Variants in B4GALT7 observed in about 807,000 individuals in gnomAD.
The protein encoded by B4GALT7 is UDP-Gal:beta-GlcNAc beta-1,4-galactosyltransferase 7.
B4GALT7 carries 30 observed loss-of-function variants against 33.0 expected under a neutral mutation model. The ratio of observed to expected loss-of-function variants is 0.91; its 90% CI spans 0.68 to 1.23. The LOEUF (loss-of-function observed/expected upper bound fraction) is 1.23. B4GALT7 is among the 50% of genes most tolerant of loss of function. The pLI is 0.00. For missense variants in B4GALT7, 507 were observed against 450.8 expected (o/e 1.12, Z -1.13); for synonymous variants, 213 against 187.2 (o/e 1.14, Z -1.13).
Position 177,607,426 on chromosome 5 carries a change from G to A in B4GALT7, c.538G>A (p.Ala180Thr), listed in dbSNP as rs201942042. Residue 180 changes from alanine to threonine, a missense_variant, in exon 3 of 6, where the codon GCT becomes ACT. Transcript: ENST00000029410. ...GGAGCTGGACTATGGCTTTCCTGAG[G>A]CTGGGCCCTTCCACGTGGCCTCCCC... ...NEELDYGFPE[A>T]GPFHVASPEL... 6.2e-7 allele frequency: 1 copy of A among 1,614,064 alleles called. No homozygotes were observed. The highest frequency in any genetic ancestry group is 1.7e-5 in the Admixed American group (1 of 60,030).
Position 177,608,506 on chromosome 5 carries a change from T to G in B4GALT7, c.640-33T>G, listed in dbSNP as rs762622370. 1 of 1,574,546 alleles carries G rather than the reference T, an allele frequency of 6.4e-7. No individual in the cohort carries two copies. The highest frequency in any genetic ancestry group is 8.7e-7 in the Non-Finnish European group (1 of 1,148,168). On this transcript the variant is annotated intron_variant, in intron 3 of 5. Coordinates refer to ENST00000029410, the MANE Select transcript of B4GALT7 (RefSeq NM_007255.3). This position sits in a 1 kb window ranked among gnomAD's most constrained non-coding sequence, Gnocchi z 4.1. Reference sequence around the variant, plus strand: ...CCAAAGGCCCCCCCCCCCGGGAAGATGGGCCGAGTGACGCTGCTTGTCTCT... The same window carrying G: ...CCAAAGGCCCCCCCCCCCGGGAAGAGGGGCCGAGTGACGCTGCTTGTCTCT...
chr5:177,609,576 A>G lies in B4GALT7; in HGVS notation c.865A>G (p.Thr289Ala), dbSNP rs1375726829. 6.2e-7 allele frequency: 1 copy of G among 1,613,778 alleles called. No individual in the cohort carries two copies. The highest frequency in any genetic ancestry group is 2.2e-5 in the East Asian group (1 of 44,870). Residue 289 changes from threonine (T) to alanine (A), a missense_variant, in exon 6 of 6, where the codon ACT becomes GCT. Transcript: ENST00000029410. The part of the protein sequence containing the change: ...FKVDREGGLN[T>A]VKYHVASRTA... Reference sequence around the variant, plus strand: ...GGTGGACAGGGAGGGAGGCCTGAACACTGTGAAGTACCATGTGGCTTCCCG... The same window carrying G: ...GGTGGACAGGGAGGGAGGCCTGAACGCTGTGAAGTACCATGTGGCTTCCCG...
At chr5:177,603,407 C>A (rs555641890) in intron 1 of B4GALT7, 6 of 965,806 alleles carry the variant, frequency 6.2e-6, no homozygotes, top group Non-Finnish European at 7.4e-6. Context: ...AAGGCTGTCT[C>A]CTGGCATCAC....
rs750218686 is a variant in B4GALT7 at position 177,608,491 on chromosome 5, C to T, written c.640-48C>T. 37 of 1,522,086 alleles carry T rather than the reference C, an allele frequency of 2.4e-5. No homozygotes were observed. The African/African-American group carries it at 4.1e-4, about 17-fold the overall frequency. The allele number at this position is 1,522,086 out of a possible 1,614,324, so 94.3% of individuals were successfully genotyped here. On this transcript the variant is annotated intron_variant, in intron 3 of 5. Coordinates refer to ENST00000029410, the MANE Select transcript of B4GALT7 (RefSeq NM_007255.3). This position sits in a 1 kb window ranked among gnomAD's most constrained non-coding sequence, Gnocchi z 4.1. ...CCGAGCGGTAGGAGACCAAAGGCCC[C>T]CCCCCCCGGGAAGATGGGCCGAGTG...
In B4GALT7 at chr5:177,608,862, G is replaced by T; in HGVS notation, c.724-48G>T. Reference sequence around the variant, plus strand: ...CCTCGGGAGCTGGTGGTGAGGGCTGGGGCTCCAGGAAGGGCAGCCTGACCC... The same window carrying T: ...CCTCGGGAGCTGGTGGTGAGGGCTGTGGCTCCAGGAAGGGCAGCCTGACCC... On this transcript the variant is annotated intron_variant, in intron 4 of 5. Coordinates refer to ENST00000029410, the MANE Select transcript of B4GALT7 (RefSeq NM_007255.3). The surrounding 1 kb of genome is among the most constrained non-coding windows in gnomAD (Gnocchi z 4.1). The T allele has an allele frequency of 6.6e-7, 1 of 1,519,354 alleles. No individual in the cohort carries two copies. The highest frequency in any genetic ancestry group is 1.1e-5 in the South Asian group (1 of 89,032). 94.1% of individuals were successfully genotyped at this position (1,519,354 alleles called of 1,614,324 possible).
rs147617631 is a variant in B4GALT7 at position 177,608,596 on chromosome 5, C to G, written c.697C>G (p.Arg233Gly). 2 of 1,613,814 alleles carry G rather than the reference C, an allele frequency of 1.2e-6. No individual in the cohort carries two copies. The highest frequency in any genetic ancestry group is 1.3e-5 in the African/African-American group (1 of 74,918). ...GWGREDDEFY[R>G]RIKGAGLQLF... ...GGGCCGCGAGGACGACGAGTTCTAC[C>G]GGCGCATTAAGGGAGCTGGGCTCCA... The change falls in exon 4 of 6, where the codon CGG becomes GGG. Residue 233 changes from arginine to glycine, a missense_variant. Physicochemically the swap from Arg to Gly is moderately radical, Grantham distance 125 (BLOSUM62 -2). Coordinates refer to ENST00000029410, the MANE Select transcript of B4GALT7 (RefSeq NM_007255.3). This position sits in a 1 kb window ranked among gnomAD's most constrained non-coding sequence, Gnocchi z 4.1.
rs1342918892 is a variant in B4GALT7, at chr5:177,603,157, A to G, written c.51-1022A>G. 4.2e-6 allele frequency: 4 copies of G among 958,592 alleles called. No homozygotes were observed. The East Asian group carries it at 4.6e-4, about 111-fold the overall frequency. 59.4% of individuals were successfully genotyped at this position (958,592 alleles called of 1,614,324 possible). A position where few individuals can be genotyped will look rare whatever the true frequency, so the allele number is the denominator to read the frequency against. Reference sequence around the variant, plus strand: ...CGGCCTCCCAAAGTGCTGGGATTACAGGCGTGAGCCACCACGCCTGGCCAG... The same window carrying G: ...CGGCCTCCCAAAGTGCTGGGATTACGGGCGTGAGCCACCACGCCTGGCCAG... On this transcript the variant is annotated intron_variant, in intron 1 of 5. Coordinates refer to ENST00000029410, the MANE Select transcript of B4GALT7 (RefSeq NM_007255.3).
intron 2 of B4GALT7, chr5:177,605,076 C>T (rs1293851694): frequency 8.8e-6 from 4 of 455,758 alleles, no homozygotes; most frequent in Non-Finnish European, 1.3e-5. Flanking sequence ...ATTCTCAGCC[C>T]CACCAGCCTG....
At chr5:177,605,370 T>TC in intron 2 of B4GALT7, 1 of 252,054 alleles carries the variant, frequency 4.0e-6, no homozygotes, top group Non-Finnish European at 7.8e-6. Context: ...ATGCCGATGA[T>TC]GCCCCTGCCA....
intron 2 of B4GALT7, 143 bp from the exon 3 acceptor site, chr5:177,607,159 T>C: frequency 1.4e-6 from 1 of 728,560 alleles, no homozygotes; most frequent in Non-Finnish European, 2.4e-6. Flanking sequence ...ATGCGATGAG[T>C]GGAGGGACTG....
chr5:177,606,809 CTCCTGCCGTGGCAG>C lies in B4GALT7; in HGVS notation c.414-491_414-478del. 4.2e-6 allele frequency: 1 copy of C among 240,246 alleles called. No homozygotes were observed. The highest frequency in any genetic ancestry group is 2.2e-5 in the African/African-American group (1 of 44,978). The allele number at this position is 240,246 out of a possible 1,614,324, so 14.9% of individuals were successfully genotyped here. A position where few individuals can be genotyped will look rare whatever the true frequency, so the allele number is the denominator to read the frequency against. On this transcript the variant is annotated intron_variant, in intron 2 of 5. Coordinates refer to ENST00000029410, the MANE Select transcript of B4GALT7 (RefSeq NM_007255.3). The surrounding 1 kb of genome is among the most constrained non-coding windows in gnomAD (Gnocchi z 4.2). ...CAGCTGCCCGTTGGTCTGCTCCTGC[CTCCTGCCGTGGCAG>C]TGCCATCTCTCCTATGCAGAGCCCT...
rs762389758 is a variant in B4GALT7, at chr5:177,608,367, G to C, written c.640-172G>C. On this transcript the variant is annotated intron_variant, in intron 3 of 5. Transcript: ENST00000029410. The surrounding 1 kb of genome is among the most constrained non-coding windows in gnomAD (Gnocchi z 4.1). ...TCAAGGCCCCGTGAGAACGGGAGAG[G>C]GCCCGGGACGCGCTGCTTCCTGCCG... 1 of 619,638 alleles carries C rather than the reference G, an allele frequency of 1.6e-6. No homozygotes were observed. Among genetic ancestry groups the C allele is most frequent in the Non-Finnish European group, 2.9e-6 (1 of 347,830 alleles). 38.4% of individuals were successfully genotyped at this position (619,638 alleles called of 1,614,324 possible). A position where few individuals can be genotyped will look rare whatever the true frequency, so the allele number is the denominator to read the frequency against.
At position 177,608,920 on chromosome 5, in the gene B4GALT7, C is replaced by T. The variant is rs964225881; in HGVS notation, c.734C>T (p.Pro245Leu). 1 of 1,613,722 alleles carries T rather than the reference C, an allele frequency of 6.2e-7. No individual in the cohort carries two copies. Among genetic ancestry groups the T allele is most frequent in the Admixed American group, 1.7e-5 (1 of 60,026 alleles). ...IKGAGLQLFR[P>L]SGITTGYKTF... ...CTTGGACCTCCCTAGCTTTTCCGCCCCTCGGGAATCACAACTGGGTACAAG... is the reference window on the plus strand; with the variant it reads ...CTTGGACCTCCCTAGCTTTTCCGCCTCTCGGGAATCACAACTGGGTACAAG... Residue 245 changes from proline to leucine, a missense_variant, in exon 5 of 6, where the codon CCC becomes CTC. By Grantham distance (98) the Pro-to-Leu change is moderately conservative. Coordinates refer to ENST00000029410, the MANE Select transcript of B4GALT7 (RefSeq NM_007255.3). This position sits in a 1 kb window ranked among gnomAD's most constrained non-coding sequence, Gnocchi z 4.1.
At position 177,608,704 on chromosome 5, in the gene B4GALT7, TG is replaced by T; in HGVS notation, c.723+86del. On this transcript the variant is annotated intron_variant, in intron 4 of 5. Coordinates refer to ENST00000029410, the MANE Select transcript of B4GALT7 (RefSeq NM_007255.3). The surrounding 1 kb of genome is among the most constrained non-coding windows in gnomAD (Gnocchi z 4.1). ...CTTCTGTTTCCTCAGATGAAGCTCCTGGGGTCTGGAGATGGCCCTGATTCTG... is the reference window on the plus strand; with the variant it reads ...CTTCTGTTTCCTCAGATGAAGCTCCTGGGTCTGGAGATGGCCCTGATTCTG... The T allele has an allele frequency of 7.2e-7, 1 of 1,385,516 alleles. No homozygotes were observed. Among genetic ancestry groups the T allele is most frequent in the Non-Finnish European group, 1.0e-6 (1 of 987,202 alleles). The allele number at this position is 1,385,516 out of a possible 1,614,324, so 85.8% of individuals were successfully genotyped here.
Position 177,604,074 on chromosome 5 carries a change from G to A in B4GALT7, c.51-105G>A. ...TCTGTACTAATTCCCAGGTGCTTGG[G>A]GTAGACGAGTTATGTGCAGCCTCCT... On this transcript the variant is annotated intron_variant, in intron 1 of 5. Transcript: ENST00000029410. 5 of 1,514,520 alleles carry A rather than the reference G, an allele frequency of 3.3e-6. No homozygotes were observed. In the South Asian group the frequency reaches 4.5e-5, roughly 14 times the overall value. The allele number at this position is 1,514,520 out of a possible 1,614,324, so 93.8% of individuals were successfully genotyped here. A position where few individuals can be genotyped will look rare whatever the true frequency, so the allele number is the denominator to read the frequency against.
chr5:177,609,886 C>T lies in B4GALT7; in HGVS notation c.*191C>T, dbSNP rs372728497. 1.6e-5 allele frequency: 11 copies of T among 687,626 alleles called. No homozygotes were observed. Among genetic ancestry groups the T allele is most frequent in the Middle Eastern group, 4.0e-4 (1 of 2,510 alleles). 42.6% of individuals were successfully genotyped at this position (687,626 alleles called of 1,614,324 possible). A position where few individuals can be genotyped will look rare whatever the true frequency, so the allele number is the denominator to read the frequency against. The stretch of plus-strand genomic sequence containing the variant: ...GCCAGGACACGTGGGGTGCCTGGGA[C>T]GCTGCTTGCCATGCACAGTGATCAG... On this transcript the variant is annotated 3_prime_UTR_variant, in exon 6 of 6. Coordinates refer to ENST00000029410, the MANE Select transcript of B4GALT7 (RefSeq NM_007255.3).
At position 177,608,475 on chromosome 5, in the gene B4GALT7, A is replaced by C; in HGVS notation, c.640-64A>C. The C allele has an allele frequency of 3.4e-6, 5 of 1,454,282 alleles. No homozygotes were observed. Among genetic ancestry groups the C allele is most frequent in the Non-Finnish European group, 4.8e-6 (5 of 1,039,162 alleles). The allele number at this position is 1,454,282 out of a possible 1,614,324, so 90.1% of individuals were successfully genotyped here. On this transcript the variant is annotated intron_variant, in intron 3 of 5. Transcript: ENST00000029410. The surrounding 1 kb of genome is among the most constrained non-coding windows in gnomAD (Gnocchi z 4.1). ...GGGGAGAGGGGCACTCCCGAGCGGTAGGAGACCAAAGGCCCCCCCCCCCGG... is the reference window on the plus strand; with the variant it reads ...GGGGAGAGGGGCACTCCCGAGCGGTCGGAGACCAAAGGCCCCCCCCCCCGG...
rs747688432 is a variant in B4GALT7, at chr5:177,604,262, C to G, written c.134C>G (p.Ser45Cys). Residue 45 changes from serine to cysteine, a missense_variant, in exon 2 of 6, where the codon TCC (serine) becomes TGC (cysteine). Coordinates refer to ENST00000029410, the MANE Select transcript of B4GALT7 (RefSeq NM_007255.3). ...FVACLSLGFFSLLWLQLSCSG... is the reference protein window; with the variant it reads ...FVACLSLGFFCLLWLQLSCSG... ...GCCTGCCTCTCGCTGGGCTTCTTCTCCCTACTCTGGCTGCAGCTCAGCTGC... is the reference window on the plus strand; with the variant it reads ...GCCTGCCTCTCGCTGGGCTTCTTCTGCCTACTCTGGCTGCAGCTCAGCTGC... 3.1e-6 allele frequency: 5 copies of G among 1,613,544 alleles called. No individual in the cohort carries two copies. Among genetic ancestry groups the G allele is most frequent in the Non-Finnish European group, 4.2e-6 (5 of 1,179,824 alleles).
rs1768091837 is a variant in B4GALT7 at position 177,608,797 on chromosome 5, C to T, written c.724-113C>T. 6 of 1,161,760 alleles carry T rather than the reference C, an allele frequency of 5.2e-6. No individual in the cohort carries two copies. Among genetic ancestry groups the T allele is most frequent in the Middle Eastern group, 1.9e-4 (1 of 5,132 alleles). 72.0% of individuals were successfully genotyped at this position (1,161,760 alleles called of 1,614,324 possible). ...TCCTTGCCCTGTGGGCCCCAGTCTC[C>T]TCTCCTGCAGGCTGGGAGTGCAGGT... On this transcript the variant is annotated intron_variant, in intron 4 of 5. Coordinates refer to ENST00000029410, the MANE Select transcript of B4GALT7 (RefSeq NM_007255.3). The surrounding 1 kb of genome is among the most constrained non-coding windows in gnomAD (Gnocchi z 4.1).
Sources: allele counts gnomAD v4.1 joint callset, GRCh38; gene constraint gnomAD v4.1.1; non-coding constraint Gnocchi (gnomAD v3.1); transcripts MANE v1.5; gene names NCBI Gene and HGNC (gene_info 2026-07-23, HGNC 2026-07-21).